The following PCDHGA6 variants were observed in gnomAD, a reference collection of about 807,000 sequenced individuals.
The protein encoded by PCDHGA6 is protocadherin gamma subfamily A, 6, also known as protocadherin gamma-A6.
Under a neutral mutation model 60.6 loss-of-function variants are expected in PCDHGA6, and 41 were observed. That is an observed-to-expected ratio of 0.68 (90% CI 0.53 to 0.88). PCDHGA6 has a LOEUF of 0.88. Among genes scored for constraint, PCDHGA6 ranks in the 40% least tolerant of loss-of-function variants. The probability of loss-of-function intolerance (pLI) is 0.00; values close to 1 mark genes in which losing one functional copy is unlikely to be tolerated. For synonymous variants in PCDHGA6, 594 were observed against 524.4 expected (o/e 1.13, Z -1.81); for missense variants, 1,312 against 1,203.0 (o/e 1.09, Z -1.34).
chr5:141,451,330 T>C (rs1335156581), intron 1 of PCDHGA6, among the ~76,000 whole-genome samples: 2 of 152,200 alleles, frequency 1.3e-5, no homozygotes, highest in East Asian at 1.9e-4. Context: ...CCTAAGGCTA[T>C]TGTCTTATCT....
At chr5:141,416,674 G>A (rs547618174) in intron 1 of PCDHGA6, 1 of 152,250 alleles carries the variant, frequency 6.6e-6, no homozygotes, top group South Asian at 2.1e-4. Flanking sequence ...TATATGCAAC[G>A]AAGGGAAATT....
chr5:141,430,715 A>G (rs1210053402), intron 1 of PCDHGA6: 3 of 1,483,264 alleles, frequency 2.0e-6, no homozygotes, highest in East Asian at 4.7e-5. Context: ...TCCTGACTTC[A>G]GTGGTTAAGG....
At chr5:141,450,006 CTTTTTT>C (rs1554136305) in intron 1 of PCDHGA6, among the ~76,000 whole-genome samples, 7,115 of 132,964 alleles carry the variant, frequency 0.054, 434 homozygotes, top group African/African-American at 0.14. Flanking sequence ...TGCCATGTCT[CTTTTTT>C]TTTTTTTTTT....
At chr5:141,393,709 G>A (rs941272065) in intron 1 of PCDHGA6, 14 of 1,613,826 alleles carry the variant, frequency 8.7e-6, no homozygotes, top group Non-Finnish European at 9.3e-6. Context: ...GAAAATACTG[G>A]GGAAATATCA....
At chr5:141,454,316 A>G (rs887472165) in intron 1 of PCDHGA6, among the ~76,000 whole-genome samples, 4 of 152,188 alleles carry the variant, frequency 2.6e-5, no homozygotes, top group Non-Finnish European at 4.4e-5. Context: ...AAGCATTGAA[A>G]CCTCCAAGAA....
At chr5:141,410,258 G>C in intron 1 of PCDHGA6, 1 of 1,614,022 alleles carries the variant, frequency 6.2e-7, no homozygotes, top group Non-Finnish European at 8.5e-7. Context: ...TGACCCCCAG[G>C]CTGAACTGCA....
At chr5:141,409,984 GGACGCC>G (rs2095344357) in intron 1 of PCDHGA6, 1 of 1,613,210 alleles carries the variant, frequency 6.2e-7, no homozygotes, top group Admixed American at 1.7e-5. Context: ...TGGTAGCGGT[GGACGCC>G]GACTCGGGAC....
rs763544302 is a variant in PCDHGA6, at chr5:141,385,145, T to C, written c.2424+8638T>C. On this transcript the variant is annotated intron_variant, in intron 1 of 3. Coordinates refer to ENST00000517434, the MANE Select transcript of PCDHGA6 (RefSeq NM_018919.3). ...GTGGGCATGGACGGGGTGCAGGCTTTCCTGCAGACCTATTCCCATGAGGTC... is the reference window on the plus strand; with the variant it reads ...GTGGGCATGGACGGGGTGCAGGCTTCCCTGCAGACCTATTCCCATGAGGTC... 5.6e-6 allele frequency: 9 copies of C among 1,614,106 alleles called. No homozygotes were observed. The highest frequency in any genetic ancestry group is 7.6e-6 in the Non-Finnish European group (9 of 1,180,050).
intron 1 of PCDHGA6, chr5:141,420,295 T>G (rs1282298065): frequency 6.8e-7 from 1 of 1,466,506 alleles, no homozygotes; most frequent in East Asian, 2.3e-5. Flanking sequence ...AAAAATGTAT[T>G]TAATCCTTTT....
At chr5:141,418,196 C>G in intron 1 of PCDHGA6, 1 of 1,614,032 alleles carries the variant, frequency 6.2e-7, no homozygotes, top group Non-Finnish European at 8.5e-7. Context: ...GGTGGAAAAT[C>G]CTTTAAATAT....
At chr5:141,393,227 A>G (rs1389818557) in intron 1 of PCDHGA6, 1 of 1,613,740 alleles carries the variant, frequency 6.2e-7, no homozygotes, top group Non-Finnish European at 8.5e-7. Context: ...TCGAAGATCT[A>G]GAAGTAAAAA....
intron 2 of PCDHGA6, among the ~76,000 whole-genome samples, chr5:141,500,939 G>T (rs2099804123): frequency 6.6e-6 from 1 of 151,680 alleles, no homozygotes; most frequent in South Asian, 2.1e-4. Context: ...CGCCATCTCG[G>T]CTCACTGCAA....
chr5:141,477,901 C>T lies in PCDHGA6; in HGVS notation c.2425-16906C>T, dbSNP rs2099423750. ...GCCACCTAGTGTCACGGGTGGTAGG[C>T]TGGGACGCGGATGCAGGGCACAATG... On this transcript the variant is annotated intron_variant, in intron 1 of 3. Transcript: ENST00000517434. The surrounding 1 kb of genome is among the most constrained non-coding windows in gnomAD (Gnocchi z 4.9). The T allele has an allele frequency of 1.9e-6, 3 of 1,614,188 alleles. No homozygotes were observed. The highest frequency in any genetic ancestry group is 2.5e-6 in the Non-Finnish European group (3 of 1,180,042).
Position 141,431,154 on chromosome 5 carries a change from A to G in PCDHGA6, c.2424+54647A>G, listed in dbSNP as rs754200786. ...AGGGACATTAACGACAATGCGCCTT[A>G]CTTTCGTGAAAGTGAATTAGAAATA... On this transcript the variant is annotated intron_variant, in intron 1 of 3. Coordinates refer to ENST00000517434, the MANE Select transcript of PCDHGA6 (RefSeq NM_018919.3). The surrounding 1 kb of genome is among the most constrained non-coding windows in gnomAD (Gnocchi z 4.8). 1.1e-5 allele frequency: 18 copies of G among 1,614,136 alleles called. No homozygotes were observed. In the East Asian group the frequency reaches 4.0e-4, roughly 36 times the overall value.
In PCDHGA6 at chr5:141,394,564, G is replaced by C. The variant is rs200338108; in HGVS notation, c.2424+18057G>C. 4.7e-3 allele frequency: 7,544 copies of C among 1,612,816 alleles called. 48 individuals carry two copies. The highest frequency in any genetic ancestry group is 9.5e-3 in the Admixed American group (568 of 59,990). On this transcript the variant is annotated intron_variant, in intron 1 of 3. Transcript: ENST00000517434. Reference sequence around the variant, plus strand: ...GAGCTGGCGCCCCGCTCCGCAGAGCGTGGCTACCTGGTGACCAAGGTGGTG... The same window carrying C: ...GAGCTGGCGCCCCGCTCCGCAGAGCCTGGCTACCTGGTGACCAAGGTGGTG...
chr5:141,464,707 A>G (rs1052234067), intron 1 of PCDHGA6, among the ~76,000 whole-genome samples: 13 of 152,112 alleles, frequency 8.5e-5, no homozygotes, highest in African/African-American at 3.1e-4. Flanking sequence ...ATGAGGTTAA[A>G]TAGTTTTTCA....
intron 1 of PCDHGA6, chr5:141,413,940 TC>T (rs1190444840): frequency 1.2e-6 from 2 of 1,613,390 alleles, no homozygotes; most frequent in East Asian, 2.2e-5. Context: ...GAGTGAGTGT[TC>T]CTGAGAATTT....
At chr5:141,471,963 T>C (rs2024084) in intron 1 of PCDHGA6, among the ~76,000 whole-genome samples, 27,680 of 152,068 alleles carry the variant, frequency 0.18, 3,629 homozygotes, top group African/African-American at 0.37. Context: ...GTGGGGTTGG[T>C]TGCATTACTG....
rs752147264 is a variant in PCDHGA6, at chr5:141,398,602, G to C, written c.2424+22095G>C. 8 of 1,613,936 alleles carry C rather than the reference G, an allele frequency of 5.0e-6. No individual in the cohort carries two copies. The East Asian group carries it at 1.6e-4, about 31-fold the overall frequency. On this transcript the variant is annotated intron_variant, in intron 1 of 3. Transcript: ENST00000517434. ...AAGATTTATACTAGAAGTAGCAGAA[G>C]ATGCAGATATTGGCTTAAACTCTCT...
Sources: allele counts gnomAD v4.1 joint callset (sites outside exome capture counted in the v4.1 genomes callset), GRCh38; gene constraint gnomAD v4.1.1; non-coding constraint Gnocchi (gnomAD v3.1); transcripts MANE v1.5; gene names NCBI Gene and HGNC (gene_info 2026-07-23, HGNC 2026-07-21).